ARHGEF7: variants seen among roughly 807,000 people sequenced by gnomAD.
The protein encoded by ARHGEF7 is Rho guanine nucleotide exchange factor 7.
ARHGEF7 carries 33 observed loss-of-function variants against 109.8 expected under a neutral mutation model. The ratio of observed to expected loss-of-function variants is 0.30; its 90% confidence interval spans 0.23 to 0.40. ARHGEF7 has a LOEUF of 0.40. Ranked by LOEUF, ARHGEF7 falls within the 10% of genes least tolerant of loss-of-function variation. The pLI, the probability that ARHGEF7 is intolerant of heterozygous loss-of-function variation, is 1.00. For synonymous variants in ARHGEF7, 458 were observed against 424.6 expected (o/e 1.08, Z -0.97); for missense variants, 938 against 1,098.5 (o/e 0.85, Z 2.07).
At chr13:111,178,699 T>C (rs1484404465) in intron 2 of ARHGEF7, among the ~76,000 whole-genome samples, 1 of 152,350 alleles carries the variant, frequency 6.6e-6, no homozygotes, top group Admixed American at 6.5e-5. Flanking sequence ...CCCACCCAGC[T>C]TGGAAAAGGC....
Position 111,145,256 on chromosome 13 carries a change from A to G in ARHGEF7, c.166-8649A>G, listed in dbSNP as rs117925086. On this transcript the variant is annotated intron_variant, in intron 1 of 21. Coordinates refer to ENST00000646102, the MANE Select transcript of ARHGEF7 (RefSeq NM_001354046.2). This position sits in a 1 kb window ranked among gnomAD's most constrained non-coding sequence, Gnocchi z 4.3. ...TCGTTTGCCATTACATTGTGTTCTA[A>G]TTTTAGATGCCGCCAGGAAGCTCTC... Among the ~76,000 whole-genome samples, 329 of 152,186 alleles carry G rather than the reference A, an allele frequency of 2.2e-3. 2 individuals carry two copies. Among genetic ancestry groups the G allele is most frequent in the South Asian group, 0.011 (54 of 4,818 alleles).
chr13:111,192,613 G>A (rs1184713898), intron 2 of ARHGEF7, among the ~76,000 whole-genome samples: 7 of 152,182 alleles, frequency 4.6e-5, no homozygotes. Flanking sequence ...TCTTGTGTTA[G>A]TTTCCTTTAG....
At chr13:111,158,307 A>T (rs1413864159) in intron 2 of ARHGEF7, among the ~76,000 whole-genome samples, 5 of 152,226 alleles carry the variant, frequency 3.3e-5, no homozygotes, top group Admixed American at 3.3e-4. Context: ...AACATTTCAG[A>T]TGAAACTGGG....
At chr13:111,194,897 A>T (rs1441386893) in intron 2 of ARHGEF7, among the ~76,000 whole-genome samples, 2 of 152,210 alleles carry the variant, frequency 1.3e-5, no homozygotes, top group Non-Finnish European at 2.9e-5. Flanking sequence ...ATAGTGAATC[A>T]TTCTGCTTCC....
intron 19 of ARHGEF7, chr13:111,294,955 A>G (rs1781245105): frequency 1.0e-6 from 1 of 984,812 alleles, no homozygotes; most frequent in Admixed American, 6.1e-5. Context: ...TAATGTGTAT[A>G]TAGTGGTATA....
chr13:111,207,002 T>A (rs1229157403), intron 3 of ARHGEF7, among the ~76,000 whole-genome samples: 4 of 151,284 alleles, frequency 2.6e-5, no homozygotes, highest in Admixed American at 2.6e-4. Context: ...GAAAATCACT[T>A]ATCTAAAGTT....
rs531827814 is a variant in ARHGEF7 at position 111,274,549 on chromosome 13, T to C, written c.1213-182T>C. ...CTTGTGACTGTTCTCTTCCAACTTA[T>C]ATTTCCCCAAAGTCTAATGGCTTCG... is the stretch of plus-strand genomic sequence containing the variant. On this transcript the variant is annotated intron_variant, in intron 10 of 21. Transcript: ENST00000646102. 7.2e-5 allele frequency among the ~76,000 whole-genome samples: 11 copies of C among 152,316 alleles called. No individual in the cohort carries two copies. In the South Asian group the frequency reaches 2.3e-3, roughly 32 times the overall value.
chr13:111,116,771 TC>T (rs2066817986), intron 1 of ARHGEF7, among the ~76,000 whole-genome samples: 1 of 152,380 alleles, frequency 6.6e-6, no homozygotes, highest in African/African-American at 2.4e-5. Flanking sequence ...TTAATTTTTT[TC>T]ATTCACATGT....
At position 111,228,094 on chromosome 13, in the gene ARHGEF7, A is replaced by C. The variant is rs756472550; in HGVS notation, c.671-5111A>C. Among the ~76,000 whole-genome samples the C allele has an allele frequency of 6.6e-6, 1 of 152,226 alleles. No individual in the cohort carries two copies. Among genetic ancestry groups the C allele is most frequent in the Non-Finnish European group, 1.5e-5 (1 of 68,040 alleles). Reference sequence around the variant, plus strand: ...GCACATCTGAGGTGTCCTGCACGGCACATGAGGTAAGCGTGCAGGTCTGTG... The same window carrying C: ...GCACATCTGAGGTGTCCTGCACGGCCCATGAGGTAAGCGTGCAGGTCTGTG... On this transcript the variant is annotated intron_variant, in intron 5 of 21. Transcript: ENST00000646102. This position sits in a 1 kb window ranked among gnomAD's most constrained non-coding sequence, Gnocchi z 4.6.
chr13:111,221,233 AGATATATATGTC>A (rs1326771498), intron 5 of ARHGEF7, among the ~76,000 whole-genome samples: 1 of 52,330 alleles, frequency 1.9e-5, no homozygotes, highest in East Asian at 2.8e-4. Context: ...ATATCTATAT[AGATATATATGTC>A]TATATATATC....
intron 5 of ARHGEF7, among the ~76,000 whole-genome samples, chr13:111,219,734 C>T (rs1047192002): frequency 1.3e-5 from 2 of 151,968 alleles, no homozygotes; most frequent in Admixed American, 1.3e-4. Flanking sequence ...ATTTAAAAGG[C>T]AGTATTTTTT....
chr13:111,271,818 A>G (rs1480994585), intron 9 of ARHGEF7, among the ~76,000 whole-genome samples: 2 of 152,342 alleles, frequency 1.3e-5, no homozygotes, highest in East Asian at 3.9e-4. Context: ...TTACAAGTGG[A>G]TATATGCAAC....
At chr13:111,193,534 T>A (rs1403019850) in intron 2 of ARHGEF7, among the ~76,000 whole-genome samples, 1 of 152,274 alleles carries the variant, frequency 6.6e-6, no homozygotes, top group Middle Eastern at 3.2e-3. Flanking sequence ...GAACTCCCTT[T>A]CTTTCCATAT....
At chr13:111,208,650 C>G (rs1302480703) in intron 3 of ARHGEF7, among the ~76,000 whole-genome samples, 1 of 152,034 alleles carries the variant, frequency 6.6e-6, no homozygotes, top group Non-Finnish European at 1.5e-5. Flanking sequence ...GCTGGAAATG[C>G]CCTTTTAGCT....
At chr13:111,264,931 A>G (rs2091459860) in intron 8 of ARHGEF7, among the ~76,000 whole-genome samples, 1 of 152,164 alleles carries the variant, frequency 6.6e-6, no homozygotes, top group South Asian at 2.1e-4. Context: ...CCTGAAGGCC[A>G]TGTTTTATAA....
intron 2 of ARHGEF7, among the ~76,000 whole-genome samples, chr13:111,186,134 C>T (rs1002944853): frequency 6.6e-6 from 1 of 152,036 alleles, no homozygotes; most frequent in African/African-American, 2.4e-5. Flanking sequence ...GTTGGGGCTG[C>T]GCTTCCCTGC....
At chr13:111,211,185 T>C (rs1465065264) in intron 4 of ARHGEF7, among the ~76,000 whole-genome samples, 1 of 152,166 alleles carries the variant, frequency 6.6e-6, no homozygotes, top group Non-Finnish European at 1.5e-5. Flanking sequence ...GCTGTTGCTG[T>C]TTCCTGCTTT....
At chr13:111,209,767 GGT>G in intron 3 of ARHGEF7, 103 bp from the exon 4 acceptor site, 1 of 1,318,432 alleles carries the variant, frequency 7.6e-7, no homozygotes, top group Non-Finnish European at 1.0e-6. Context: ...GTGGTCTTTT[GGT>G]GTGTCCCTCT....
chr13:111,126,071 C>CT (rs2067538950), intron 1 of ARHGEF7, among the ~76,000 whole-genome samples: 1 of 152,336 alleles, frequency 6.6e-6, no homozygotes, highest in Admixed American at 6.5e-5. Flanking sequence ...AGGAAAGTGC[C>CT]TTAAGACCTG....
Sources: allele counts gnomAD v4.1 joint callset (sites outside exome capture counted in the v4.1 genomes callset), GRCh38; gene constraint gnomAD v4.1.1; non-coding constraint Gnocchi (gnomAD v3.1); transcripts MANE v1.5; gene names NCBI Gene and HGNC (gene_info 2026-07-23, HGNC 2026-07-21).